The following UNC13C variants were observed in gnomAD, a reference collection of about 807,000 sequenced individuals.
UNC13C encodes the protein unc-13 homolog C, also known as protein unc-13 homolog C.
In UNC13C, 174 loss-of-function variants were observed where a neutral mutation model predicts 245.4. The ratio of observed to expected loss-of-function variants is 0.71; its 90% CI spans 0.63 to 0.80. The LOEUF (loss-of-function observed/expected upper bound fraction) is 0.80, where lower values mean the gene tolerates loss of function less well. Among genes scored for constraint, UNC13C ranks in the 30% least tolerant of loss-of-function variants. The probability of loss-of-function intolerance (pLI) is 0.00; values close to 1 mark genes in which losing one functional copy is unlikely to be tolerated. For synonymous variants in UNC13C, 992 were observed against 895.1 expected, an observed-to-expected ratio of 1.11 and a Z score of -1.93; for missense variants, 2,829 against 2,602.9, an observed-to-expected ratio of 1.09 and a Z score of -1.89.
chr15:54,473,628 C>G (rs1211150566), intron 19 of UNC13C, among the ~76,000 whole-genome samples: 1 of 151,880 alleles, frequency 6.6e-6, no homozygotes, highest in Admixed American at 6.6e-5. Context: ...ATATAATGAC[C>G]TCTGGTTCCA....
intron 2 of UNC13C, among the ~76,000 whole-genome samples, chr15:54,094,749 A>G (rs1258184246): frequency 6.6e-6 from 1 of 152,056 alleles, no homozygotes; most frequent in Non-Finnish European, 1.5e-5. Context: ...TTTTGTTACA[A>G]TTCTCTCTCT....
intron 8 of UNC13C, among the ~76,000 whole-genome samples, chr15:54,258,890 G>T (rs1427387545): frequency 6.6e-6 from 1 of 152,182 alleles, no homozygotes; most frequent in African/African-American, 2.4e-5. Flanking sequence ...ATCTTAGTCT[G>T]TTTCAGCTGC....
intron 13 of UNC13C, among the ~76,000 whole-genome samples, chr15:54,307,539 T>C (rs1037786529): frequency 6.6e-6 from 1 of 151,952 alleles, no homozygotes; most frequent in Non-Finnish European, 1.5e-5. Flanking sequence ...CTCTTGTCTC[T>C]AGTAAGCTCC....
At chr15:54,264,508 G>T in intron 9 of UNC13C, 113 bp downstream of exon 9, 1 of 854,612 alleles carries the variant, frequency 1.2e-6, no homozygotes, top group South Asian at 1.8e-5. Flanking sequence ...TTTGAATCAT[G>T]TTAATATGAA....
chr15:53,893,519 G>A, the UNC13C span, among the ~76,000 whole-genome samples: 1 of 152,210 alleles, frequency 6.6e-6, no homozygotes, highest in Non-Finnish European at 1.5e-5. Flanking sequence ...GTCCCTGACT[G>A]GGGCTGCTGC....
At chr15:53,936,193 T>C in the UNC13C span, among the ~76,000 whole-genome samples, 2 of 152,170 alleles carry the variant, frequency 1.3e-5, no homozygotes, top group African/African-American at 4.8e-5. Flanking sequence ...AGTCAGCCAT[T>C]GTAGCCTGCT....
At chr15:54,556,561 CA>C (rs1566908034) in intron 29 of UNC13C, among the ~76,000 whole-genome samples, 2 of 151,468 alleles carry the variant, frequency 1.3e-5, no homozygotes, top group Admixed American at 1.3e-4. Flanking sequence ...AAGAGGTAGC[CA>C]AAATGTTGTC....
At chr15:54,115,930 A>G (rs1161451598) in intron 2 of UNC13C, among the ~76,000 whole-genome samples, 2 of 152,114 alleles carry the variant, frequency 1.3e-5, no homozygotes, top group African/African-American at 2.4e-5. Context: ...GGAGACAGTA[A>G]CAGTATCAAG....
Position 54,294,035 on chromosome 15 carries a change from G to C in UNC13C, c.3959G>C (p.Ser1320Thr). 6.4e-7 allele frequency: 1 copy of C among 1,567,280 alleles called. No homozygotes were observed. ...ACAATTGTAGAAGTGAGGACCTTGA[G>C]TGGAGAAATGGATGTCTGGTACAAC... ...GQTIVEVRTL[S>T]GEMDVWYNLE... The change falls in exon 11 of 33, where the codon AGT becomes ACT. Residue 1320 changes from serine (S) to threonine (T), a missense_variant. Physicochemically the swap from Ser to Thr is moderately conservative, Grantham distance 58. Coordinates refer to ENST00000260323, the MANE Select transcript of UNC13C (RefSeq NM_001080534.3).
At chr15:54,226,136 T>C (rs139875650) in intron 4 of UNC13C, among the ~76,000 whole-genome samples, 6 of 152,320 alleles carry the variant, frequency 3.9e-5, no homozygotes. Flanking sequence ...TAAACCAACT[T>C]TGCATTTCAG....
In UNC13C at chr15:54,412,813, C is replaced by A. The variant is rs760447669; in HGVS notation, c.4848-2169C>A. Reference sequence around the variant, plus strand: ...CTTGCATTTTAACAGAATTTAGGAACTCCAGCACAATGTTATGTAGAAATA... The same window carrying A: ...CTTGCATTTTAACAGAATTTAGGAAATCCAGCACAATGTTATGTAGAAATA... On this transcript the variant is annotated intron_variant, in intron 18 of 32. Transcript: ENST00000260323. Among the ~76,000 whole-genome samples the A allele has an allele frequency of 3.5e-4, 53 of 152,116 alleles. 1 individual carries two copies. Among genetic ancestry groups the A allele is most frequent in the South Asian group, 2.1e-4 (1 of 4,824 alleles).
chr15:53,896,835 C>T, the UNC13C span, among the ~76,000 whole-genome samples: 948 of 152,158 alleles, frequency 6.2e-3, 12 homozygotes, highest in African/African-American at 0.022. Context: ...AAAACCACAC[C>T]CTAAGGTGAA....
the UNC13C span, among the ~76,000 whole-genome samples, chr15:53,870,248 G>T: frequency 1.3e-5 from 2 of 152,140 alleles, no homozygotes; most frequent in East Asian, 3.9e-4. Context: ...TCACCCAACA[G>T]AAATGAATTT....
downstream of UNC13C, chr15:54,631,789 T>C (rs918863820): frequency 1.3e-5 from 2 of 152,250 alleles, no homozygotes; most frequent in African/African-American, 4.8e-5. Context: ...AACAAAGCTT[T>C]TATAAACATT....
intron 20 of UNC13C, among the ~76,000 whole-genome samples, chr15:54,495,061 T>C (rs1893891619): frequency 6.6e-6 from 1 of 151,994 alleles, no homozygotes; most frequent in South Asian, 2.1e-4. Flanking sequence ...GGTGCTTGTA[T>C]ATTGACCTAT....
intron 17 of UNC13C, among the ~76,000 whole-genome samples, chr15:54,344,892 T>G (rs2038824328): frequency 6.6e-6 from 1 of 152,214 alleles, no homozygotes; most frequent in African/African-American, 2.4e-5. Flanking sequence ...CATAACTTCC[T>G]AAGAGAGCTC....
rs55925649 is a variant in UNC13C at position 54,175,508 on chromosome 15, A to ATTTTTTTTTTTTTTTTTTTTTTTTTTT, written c.3071+31846_3071+31847insTTTTTTTTTTTTTTTTTTTTTTTTTTT. ...AAAACACTGTTGTTGTGGCCCTAGAATTTTTTTTTTTTTTTTTTTTTTGAG... is the reference window on the plus strand; with the variant it reads ...AAAACACTGTTGTTGTGGCCCTAGAATTTTTTTTTTTTTTTTTTTTTTTTTTTTTTTTTTTTTTTTTTTTTTTTTGAG... On this transcript the variant is annotated intron_variant, in intron 4 of 32. Transcript: ENST00000260323. Among the ~76,000 whole-genome samples, 61 of 105,982 alleles carry ATTTTTTTTTTTTTTTTTTTTTTTTTTT rather than the reference A, an allele frequency of 5.8e-4. 5 individuals carry two copies. Among genetic ancestry groups the ATTTTTTTTTTTTTTTTTTTTTTTTTTT allele is most frequent in the African/African-American group, 1.9e-3 (50 of 26,228 alleles). 69.5% of individuals were successfully genotyped at this position (105,982 alleles called of 152,430 possible). A position where few individuals can be genotyped will look rare whatever the true frequency, so the allele number is the denominator to read the frequency against.
the UNC13C span, among the ~76,000 whole-genome samples, chr15:53,925,318 A>G: frequency 8.9e-4 from 136 of 152,340 alleles, 2 homozygotes; most frequent in South Asian, 0.027. Context: ...GCTATAGTCT[A>G]TAAAAGAGGA....
intron 19 of UNC13C, among the ~76,000 whole-genome samples, chr15:54,451,849 C>A (rs1192722697): frequency 6.6e-6 from 1 of 151,790 alleles, no homozygotes; most frequent in African/African-American, 2.4e-5. Flanking sequence ...TTCTTGTGTC[C>A]TTATCTTGGT....
Sources: allele counts gnomAD v4.1 joint callset (sites outside exome capture counted in the v4.1 genomes callset), GRCh38; gene constraint gnomAD v4.1.1; transcripts MANE v1.5; gene names NCBI Gene and HGNC (gene_info 2026-07-23, HGNC 2026-07-21).